CIC: variants seen among roughly 807,000 people sequenced by gnomAD.
CIC encodes protein capicua homolog.
Under a neutral mutation model 115.7 loss-of-function variants are expected in CIC, and 18 were observed. The ratio of observed to expected loss-of-function variants is 0.16; its 90% CI spans 0.11 to 0.23. The LOEUF (loss-of-function observed/expected upper bound fraction) is 0.23. Among genes scored for constraint, CIC ranks in the 10% least tolerant of loss-of-function variants. The pLI is 1.00. For missense variants in CIC, 2,000 were observed against 2,159.3 expected, an observed-to-expected ratio of 0.93 and a Z score of 1.46; for synonymous variants, 1,076 against 923.0, an observed-to-expected ratio of 1.17 and a Z score of -3.01.
At chr19:42,292,528 C>T (rs768640903) in intron 14 of CIC, 38 bp from the exon 15 acceptor site, 2 of 1,612,130 alleles carry the variant, frequency 1.2e-6, no homozygotes, top group African/African-American at 1.3e-5. Context: ...AGTCCGGGCC[C>T]TAACTTGGTC....
At chr19:42,278,946 C>T (rs529551408) in intron 2 of CIC, among the ~76,000 whole-genome samples, 82 of 152,332 alleles carry the variant, frequency 5.4e-4, no homozygotes, top group African/African-American at 1.8e-3. Context: ...CTAGGAGATC[C>T]GGCTGTAGGG....
In CIC at chr19:42,279,144, G is replaced by A. The variant is rs1343831771; in HGVS notation, c.2794+4567G>A. Among the ~76,000 whole-genome samples the A allele has an allele frequency of 6.6e-5, 10 of 152,358 alleles. No individual in the cohort carries two copies. The East Asian group carries it at 1.9e-3, about 29-fold the overall frequency. On this transcript the variant is annotated intron_variant, in intron 2 of 20. Coordinates refer to ENST00000681038, the MANE Select transcript of CIC (RefSeq NM_001386298.1). ...GTACCCACCAACTATGCTTGGGCAGGTGGGGAAAAAGAGGGGCCAAAGGGG... is the reference window on the plus strand; with the variant it reads ...GTACCCACCAACTATGCTTGGGCAGATGGGGAAAAAGAGGGGCCAAAGGGG...
chr19:42,292,924 C>T lies in CIC; in HGVS notation c.6197-32C>T, dbSNP rs868123113. 38 of 1,613,952 alleles carry T rather than the reference C, an allele frequency of 2.4e-5. 6 individuals carry two copies. The Middle Eastern group carries it at 6.3e-3, about 266-fold the overall frequency. On this transcript the variant is annotated intron_variant, in intron 15 of 20. Transcript: ENST00000681038. ...ACCCAGGGGATGGGCTCCAGTCAGG[C>T]CTGGCTCAGCAAACAATTTTCTCCC...
At position 42,290,882 on chromosome 19, in the gene CIC, C is replaced by T. The variant is rs774866237; in HGVS notation, c.4841C>T (p.Ala1614Val). Residue 1614 changes from alanine (A) to valine (V), a missense_variant, in exon 11 of 21, where the codon GCA becomes GTA. Transcript: ENST00000681038. Reference sequence around the variant, plus strand: ...GCTGAGGCGTCTCCAAATGACACAGCAGGTGCCAGGACTGAAATGGGCACT... The same window carrying T: ...GCTGAGGCGTCTCCAAATGACACAGTAGGTGCCAGGACTGAAATGGGCACT... ...GRAEASPNDT[A>V]GARTEMGTGS... 1.2e-6 allele frequency: 2 copies of T among 1,613,210 alleles called. No homozygotes were observed. Among genetic ancestry groups the T allele is most frequent in the Non-Finnish European group, 1.7e-6 (2 of 1,179,898 alleles).
At position 42,295,017 on chromosome 19, in the gene CIC, C is replaced by T; in HGVS notation, c.7380C>T (p.Pro2460=). ...CCGCTGCTGCCCCTGCCCCCACTCC[C>T]AGCCCCGCAGGGGGCCCTGACCCCA... The part of the protein sequence containing the change: ...TGTAAAPAPT[P]SPAGGPDPTS... Residue 2460 remains proline (P), a synonymous_variant, in exon 21 of 21, where the codon CCC becomes CCT. Transcript: ENST00000681038. 1 of 1,589,440 alleles carries T rather than the reference C, an allele frequency of 6.3e-7. No individual in the cohort carries two copies. Among genetic ancestry groups the T allele is most frequent in the Non-Finnish European group, 8.5e-7 (1 of 1,174,772 alleles).
chr19:42,293,400 C>T (rs933011772), intron 16 of CIC, 119 bp downstream of exon 16: 36 of 1,340,836 alleles, frequency 2.7e-5, no homozygotes, highest in Admixed American at 1.0e-4. Context: ...GTTAAAGGGT[C>T]CCCTCTGTCC....
chr19:42,291,008 G>C lies in CIC; in HGVS notation c.4967G>C (p.Gly1656Ala), dbSNP rs1464266445. 3.1e-6 allele frequency: 5 copies of C among 1,613,658 alleles called. No individual in the cohort carries two copies. The African/African-American group carries it at 6.7e-5, about 22-fold the overall frequency. The change falls in exon 11 of 21, where the codon GGA becomes GCA. Residue 1656 changes from glycine to alanine, a missense_variant. Gly to Ala is a moderately conservative substitution (Grantham distance 60). This residue lies in a region of CIC where 1,466 missense variants were observed against 1,390.4 expected (regional missense o/e 1.05). Transcript: ENST00000681038. Reference sequence around the variant, plus strand: ...TCACCAGCCCCACACTTGGTGGCTGGACCCCTGCTGGGCACTGTGGGGAAG... The same window carrying C: ...TCACCAGCCCCACACTTGGTGGCTGCACCCCTGCTGGGCACTGTGGGGAAG... ...ATSPAPHLVA[G>A]PLLGTVGKAP...
chr19:42,292,514 A>G (rs2147303680), intron 14 of CIC, 48 bp downstream of exon 14: 1 of 1,611,444 alleles, frequency 6.2e-7, no homozygotes, highest in East Asian at 2.2e-5. Context: ...GGTGGGGCTG[A>G]GGCAGTCCGG....
At chr19:42,283,713 A>G (rs769382051) in intron 2 of CIC, among the ~76,000 whole-genome samples, 18 of 151,956 alleles carry the variant, frequency 1.2e-4, no homozygotes, top group Non-Finnish European at 2.2e-4. Context: ...TGGACACACA[A>G]CAGCACCACG....
In CIC at chr19:42,274,730, G is replaced by A. The variant is rs149193861; in HGVS notation, c.2794+153G>A. Among the ~76,000 whole-genome samples, 906 of 152,348 alleles carry A rather than the reference G, an allele frequency of 5.9e-3. 9 individuals are homozygous for A. The highest frequency in any genetic ancestry group is 0.02 in the African/African-American group (847 of 41,580). On this transcript the variant is annotated intron_variant, in intron 2 of 20. Transcript: ENST00000681038. Reference sequence around the variant, plus strand: ...CAGATGTTGCTGTTGGAATTCACATGTCAGGAAAGGGATTGGACTTTTAAG... The same window carrying A: ...CAGATGTTGCTGTTGGAATTCACATATCAGGAAAGGGATTGGACTTTTAAG...
Position 42,293,141 on chromosome 19 carries a change from C to T in CIC, c.6382C>T (p.Pro2128Ser), listed in dbSNP as rs369616030. ...EPGPVREPTA[P>S]ESELEGQPTP... is the part of the protein sequence containing the mutation. Reference sequence around the variant, plus strand: ...TGGCCCAGTCCGAGAGCCAACTGCCCCAGAGTCTGAGCTTGAGGGGCAGCC... The same window carrying T: ...TGGCCCAGTCCGAGAGCCAACTGCCTCAGAGTCTGAGCTTGAGGGGCAGCC... Residue 2128 changes from proline (P) to serine (S), a missense_variant, in exon 16 of 21, where the codon CCA becomes TCA. Physicochemically the swap from Pro to Ser is moderately conservative, Grantham distance 74. Around this residue, in one of 8 missense-constraint regions of CIC, gnomAD observed 1,466 missense variants for 1,390.4 expected, o/e 1.05. Coordinates refer to ENST00000681038, the MANE Select transcript of CIC (RefSeq NM_001386298.1). The T allele has an allele frequency of 1.2e-6, 2 of 1,607,880 alleles. No individual in the cohort carries two copies. Among genetic ancestry groups the T allele is most frequent in the Non-Finnish European group, 1.7e-6 (2 of 1,177,820 alleles).
chr19:42,286,479 TC>T (rs2037650782), intron 2 of CIC, among the ~76,000 whole-genome samples: 1 of 151,956 alleles, frequency 6.6e-6, no homozygotes, highest in African/African-American at 2.4e-5. Flanking sequence ...AGCAAATCGT[TC>T]CTCTGGCCTG....
Position 42,293,073 on chromosome 19 carries a change from C to T in CIC, c.6314C>T (p.Ala2105Val). 2 of 1,611,534 alleles carry T rather than the reference C, an allele frequency of 1.2e-6. No homozygotes were observed. Among genetic ancestry groups the T allele is most frequent in the Non-Finnish European group, 1.7e-6 (2 of 1,179,390 alleles). The change falls in exon 16 of 21, where the codon GCC becomes GTC. Residue 2105 changes from alanine (A) to valine (V), a missense_variant. Ala to Val is a moderately conservative substitution (Grantham distance 64). Coordinates refer to ENST00000681038, the MANE Select transcript of CIC (RefSeq NM_001386298.1). ...CCCGTGGGGTCCTTTGAGGCAGGTG[C>T]CTCTGGGCGGCCTGGCCCTGCACCC... Reference protein sequence around the residue: ...SIPVGSFEAGASGRPGPAPRQ... With the variant: ...SIPVGSFEAGVSGRPGPAPRQ...
In CIC at chr19:42,294,985, A is replaced by G. The variant is rs1300405117; in HGVS notation, c.7348A>G (p.Thr2450Ala). The G allele has an allele frequency of 6.4e-7, 1 of 1,556,384 alleles. No homozygotes were observed. The highest frequency in any genetic ancestry group is 8.6e-7 in the Non-Finnish European group (1 of 1,162,396). The change falls in exon 21 of 21, where the codon ACT becomes GCT. Residue 2450 changes from threonine (T) to alanine (A), a missense_variant. Physicochemically the swap from Thr to Ala is moderately conservative, Grantham distance 58. This residue lies in a region of CIC where 133 missense variants were observed against 116.0 expected (regional missense o/e 1.15). Transcript: ENST00000681038. ...GGCTCCTCTCCCTGTACCGCCCCCC[A>G]CTGGCACCGCTGCTGCCCCTGCCCC... is the stretch of plus-strand genomic sequence containing the variant. Reference protein sequence around the residue: ...AEAPLPVPPPTGTAAAPAPTP... With the variant: ...AEAPLPVPPPAGTAAAPAPTP...
chr19:42,271,234 A>G (rs2036780041), intron 1 of CIC, among the ~76,000 whole-genome samples: 1 of 152,234 alleles, frequency 6.6e-6, no homozygotes, highest in African/African-American at 2.4e-5. Flanking sequence ...CAGGCAGCAC[A>G]CTGAAATGGT....
In CIC at chr19:42,273,987, C is replaced by T. The variant is rs1599851279; in HGVS notation, c.2204C>T (p.Ala735Val). 1 of 398,826 alleles carries T rather than the reference C, an allele frequency of 2.5e-6. No homozygotes were observed. 24.7% of individuals were successfully genotyped at this position (398,826 alleles called of 1,614,324 possible). A position where few individuals can be genotyped will look rare whatever the true frequency, so the allele number is the denominator to read the frequency against. The stretch of plus-strand genomic sequence containing the variant: ...GCCCCTGGCGCAGGGGGTGGAGGAG[C>T]CGCCCCAGACTTTCCCAAGAGTGAC... ...LGAPGAGGGG[A>V]APDFPKSDSL... The change falls in exon 2 of 21, where the codon GCC (alanine) becomes GTC (valine). Residue 735 changes from alanine (A) to valine (V), a missense_variant. Around this residue, in one of 8 missense-constraint regions of CIC, gnomAD observed 222 missense variants for 247.7 expected, o/e 0.90. Transcript: ENST00000681038.
rs1289326669 is a variant in CIC at position 42,293,939 on chromosome 19, G to T, written c.6772G>T (p.Val2258Phe). The T allele has an allele frequency of 6.2e-7, 1 of 1,613,200 alleles. No individual in the cohort carries two copies. The highest frequency in any genetic ancestry group is 1.1e-5 in the South Asian group (1 of 91,084). Reference protein sequence around the residue: ...KKTFDSVDNRVLSEVDFEERF... With the variant: ...KKTFDSVDNRFLSEVDFEERF... Reference sequence around the variant, plus strand: ...GTGACCCTGCCGGCCCTCCAGCAGGGTCCTGTCAGAAGTGGACTTCGAAGA... The same window carrying T: ...GTGACCCTGCCGGCCCTCCAGCAGGTTCCTGTCAGAAGTGGACTTCGAAGA... The change falls in exon 18 of 21, where the codon GTC becomes TTC. Residue 2258 changes from valine (V) to phenylalanine (F), a missense_variant. Transcript: ENST00000681038.
rs1429324408 is a variant in CIC, at chr19:42,293,203, G to C, written c.6444G>C (p.Trp2148Cys). 4 of 1,598,332 alleles carry C rather than the reference G, an allele frequency of 2.5e-6. No homozygotes were observed. The highest frequency in any genetic ancestry group is 2.6e-6 in the Non-Finnish European group (3 of 1,173,564). The change falls in exon 16 of 21, where the codon TGG becomes TGC. Residue 2148 changes from tryptophan to cysteine, a missense_variant. Physicochemically the swap from Trp to Cys is radical, Grantham distance 215. Coordinates refer to ENST00000681038, the MANE Select transcript of CIC (RefSeq NM_001386298.1). ...PPAPPPLPET[W>C]TPTARSSPPL... Reference sequence around the variant, plus strand: ...CCCCTCCACCCCTGCCAGAGACCTGGACTCCCACGGCCCGGAGCAGCCCCC... The same window carrying C: ...CCCCTCCACCCCTGCCAGAGACCTGCACTCCCACGGCCCGGAGCAGCCCCC...
chr19:42,289,804 C>G, intron 9 of CIC, 44 bp from the exon 10 acceptor site: 1 of 1,477,746 alleles, frequency 6.8e-7, no homozygotes, highest in African/African-American at 1.4e-5. Context: ...CTGGGTCCCC[C>G]TGCATCTAGC....
Sources: allele counts gnomAD v4.1 joint callset (sites outside exome capture counted in the v4.1 genomes callset), GRCh38; gene constraint gnomAD v4.1.1; regional missense constraint gnomAD v4.1.1; transcripts MANE v1.5; gene names NCBI Gene and HGNC (gene_info 2026-07-23, HGNC 2026-07-21).